The following EHMT2 variants were observed in gnomAD, a reference collection of about 807,000 sequenced individuals.
EHMT2 encodes histone-lysine N-methyltransferase EHMT2.
EHMT2 carries 59 observed loss-of-function variants against 143.3 expected under a neutral mutation model. The ratio of observed to expected loss-of-function variants is 0.41; its 90% confidence interval spans 0.33 to 0.51. The LOEUF is 0.51. Ranked by LOEUF, EHMT2 falls within the 20% of genes least tolerant of loss-of-function variation. The pLI is 0.18. For missense variants in EHMT2, 1,174 were observed against 1,645.9 expected, an observed-to-expected ratio of 0.71 and a Z score of 4.96; for synonymous variants, 604 against 651.5, an observed-to-expected ratio of 0.93 and a Z score of 1.11.
Position 31,888,532 on chromosome 6 carries a change from A to C in EHMT2, c.1366-26T>G. Reference sequence around the variant, plus strand: ...CTGTGCGCAGTGAGGATGGGTGAGAAGAGAGCGTGAGGCTGGGGCCGGGGA... The same window carrying C: ...CTGTGCGCAGTGAGGATGGGTGAGACGAGAGCGTGAGGCTGGGGCCGGGGA... On this transcript the variant is annotated intron_variant, in intron 11 of 27. Transcript: ENST00000375537. The surrounding 1 kb of genome is among the most constrained non-coding windows in gnomAD (Gnocchi z 7.4). 6.2e-7 allele frequency: 1 copy of C among 1,610,564 alleles called. No homozygotes were observed. Among genetic ancestry groups the C allele is most frequent in the Non-Finnish European group, 8.5e-7 (1 of 1,178,862 alleles).
At chr6:31,897,105 T>G in intron 1 of EHMT2, 116 bp from the exon 2 acceptor site, 1 of 1,440,200 alleles carries the variant, frequency 6.9e-7, no homozygotes. Context: ...TCTTCCTCTG[T>G]GGGGCCCCCC....
rs1245185963 is a variant in EHMT2, at chr6:31,897,233, G to A, written c.43-244C>T. The A allele has an allele frequency of 6.6e-6, 8 of 1,205,900 alleles. No individual in the cohort carries two copies. The East Asian group carries it at 1.3e-4, about 19-fold the overall frequency. The allele number at this position is 1,205,900 out of a possible 1,614,324, so 74.7% of individuals were successfully genotyped here. On this transcript the variant is annotated intron_variant, in intron 1 of 27. Transcript: ENST00000375537. The stretch of plus-strand genomic sequence containing the variant: ...GGGCCGAGAGAAGAGGAGGGGGAGG[G>A]GGCGGGGCCTCCGCGCCCCGGCCCC...
Position 31,888,100 on chromosome 6 carries a change from A to T in EHMT2, c.1686T>A (p.Ala562=). 6.2e-7 allele frequency: 1 copy of T among 1,610,678 alleles called. No homozygotes were observed. Among genetic ancestry groups the T allele is most frequent in the Non-Finnish European group, 8.5e-7 (1 of 1,178,946 alleles). Residue 562 remains alanine, a synonymous_variant, in exon 13 of 28, where the codon GCT becomes GCA. Transcript: ENST00000375537. This position sits in a 1 kb window ranked among gnomAD's most constrained non-coding sequence, Gnocchi z 7.4. The stretch of plus-strand genomic sequence containing the variant: ...CCTGGGACAGGGGTGGGGGTGCAGG[A>T]GCTGCAGTGCCGGCCGGTGGGGTCA...
exon 3 of EHMT2, chr6:31,896,725 A>G: frequency 6.2e-7 from 1 of 1,612,838 alleles, no homozygotes; most frequent in Non-Finnish European, 8.5e-7. Context: ...AGTGACAGTG[A>G]CAGAGGCTGG....
chr6:31,887,988 G>A (rs1299412631), intron 13 of EHMT2, 27 bp from the exon 14 acceptor site: 2 of 1,575,224 alleles, frequency 1.3e-6, no homozygotes, highest in Non-Finnish European at 1.7e-6. Context: ...TCATGTCCAG[G>A]AGCAATAGGG....
chr6:31,880,031 G>T lies in EHMT2; in HGVS notation c.*53C>A. On this transcript the variant is annotated 3_prime_UTR_variant, in exon 28 of 28. Coordinates refer to ENST00000375537, the Ensembl canonical transcript of EHMT2. The surrounding 1 kb of genome is among the most constrained non-coding windows in gnomAD (Gnocchi z 6.6). ...GGGCTGCGAGCAGCTGGTGGCAGAG[G>T]AGGCGGCTGAGCTGTGGCCATCCAT... 6.3e-7 allele frequency: 1 copy of T among 1,579,364 alleles called. No homozygotes were observed. Among genetic ancestry groups the T allele is most frequent in the Non-Finnish European group, 8.6e-7 (1 of 1,157,926 alleles).
chr6:31,897,032 A>G, intron 1 of EHMT2, 43 bp from the exon 2 acceptor site: 1 of 1,527,440 alleles, frequency 6.5e-7, no homozygotes, highest in Non-Finnish European at 8.8e-7. Context: ...TCAGCCCAGT[A>G]GAGAGTTGGG....
At chr6:31,893,483 A>C in intron 4 of EHMT2, 1 of 361,976 alleles carries the variant, frequency 2.8e-6, no homozygotes, top group South Asian at 2.0e-5. Flanking sequence ...ATGCCTAACT[A>C]ATGTCTTCTT....
rs778208708 is a variant in EHMT2, at chr6:31,886,768, C to T, written c.2241+7G>A. The stretch of plus-strand genomic sequence containing the variant: ...CGGGGGCCACGCCCTGCTGCCTGCG[C>T]GCACACCTTGCTATAGACACAGCCA... On this transcript the variant is annotated splice_region_variant and intron_variant, in intron 17 of 27. Coordinates refer to ENST00000375537, the Ensembl canonical transcript of EHMT2. 1.1e-4 allele frequency: 174 copies of T among 1,614,204 alleles called. 1 individual carries two copies. The East Asian group carries it at 3.3e-3, about 30-fold the overall frequency.
rs773534962 is a variant in EHMT2 at position 31,886,704 on chromosome 6, G to C, written c.2242-22C>G. On this transcript the variant is annotated intron_variant, in intron 17 of 27. Transcript: ENST00000375537. ...CCTCCTGAGGGAGACACGGGCAAATGAGCCTTTGGGCTGGCACCCCAAACC... is the reference window on the plus strand; with the variant it reads ...CCTCCTGAGGGAGACACGGGCAAATCAGCCTTTGGGCTGGCACCCCAAACC... 5 of 1,614,050 alleles carry C rather than the reference G, an allele frequency of 3.1e-6. No homozygotes were observed. In the Admixed American group the frequency reaches 8.3e-5, roughly 27 times the overall value.
intron 18 of EHMT2, 175 bp downstream of exon 18, chr6:31,886,405 GA>G (rs1450579759): frequency 9.8e-6 from 6 of 614,128 alleles, no homozygotes; most frequent in Non-Finnish European, 1.7e-5. Context: ...TTGATAAAGA[GA>G]AAGAAACGAG....
exon 2 of EHMT2, chr6:31,896,927 C>T (rs774575931): frequency 6.2e-7 from 1 of 1,600,282 alleles, no homozygotes; most frequent in Non-Finnish European, 8.5e-7. Context: ...ACTCACCTCT[C>T]TCGGTGGCTC....
At chr6:31,885,038 G>C in intron 18 of EHMT2, 22 bp from the exon 19 acceptor site, 1 of 1,590,116 alleles carries the variant, frequency 6.3e-7, no homozygotes, top group East Asian at 2.3e-5. Context: ...AAGGGAGTGA[G>C]GGTGGGGGCA....
Position 31,880,929 on chromosome 6 carries a change from C to T in EHMT2, c.3277-81G>A, listed in dbSNP as rs907818071. The T allele has an allele frequency of 4.4e-6, 7 of 1,608,052 alleles. No homozygotes were observed. In the African/African-American group the frequency reaches 8.0e-5, roughly 18 times the overall value. On this transcript the variant is annotated intron_variant, in intron 26 of 27. Transcript: ENST00000375537. The surrounding 1 kb of genome is among the most constrained non-coding windows in gnomAD (Gnocchi z 6.6). ...ACCCACTGACTCCCCAGTCCCTCCT[C>T]CCCAGGTTTCCATTTGCTGACTTCC... is the stretch of plus-strand genomic sequence containing the variant.
chr6:31,890,267 T>C (rs540142655), intron 7 of EHMT2, among the ~76,000 whole-genome samples: 5 of 152,232 alleles, frequency 3.3e-5, no homozygotes, highest in African/African-American at 1.2e-4. Context: ...AAAATCTTTC[T>C]TATTTATTTA....
Position 31,884,039 on chromosome 6 carries a change from T to C in EHMT2, c.2772-89A>G, listed in dbSNP as rs557735731. 3.7e-5 allele frequency: 55 copies of C among 1,469,014 alleles called. No individual in the cohort carries two copies. Among genetic ancestry groups the C allele is most frequent in the Admixed American group, 6.3e-5 (3 of 47,532 alleles). 91.0% of individuals were successfully genotyped at this position (1,469,014 alleles called of 1,614,324 possible). A position where few individuals can be genotyped will look rare whatever the true frequency, so the allele number is the denominator to read the frequency against. ...TAAGGAAGAGAGTTGGGGAGGTTCC[T>C]GGGGCTGGGGGCAGGGGAGTAAGGT... On this transcript the variant is annotated intron_variant, in intron 21 of 27. Transcript: ENST00000375537. The surrounding 1 kb of genome is among the most constrained non-coding windows in gnomAD (Gnocchi z 7.3).
rs1764098847 is a variant in EHMT2, at chr6:31,881,448, A to G, written c.3198-356T>C. 1 of 384,148 alleles carries G rather than the reference A, an allele frequency of 2.6e-6. No homozygotes were observed. Among genetic ancestry groups the G allele is most frequent in the South Asian group, 2.8e-5 (1 of 35,192 alleles). The allele number at this position is 384,148 out of a possible 1,614,324, so 23.8% of individuals were successfully genotyped here. On this transcript the variant is annotated intron_variant, in intron 25 of 27. Coordinates refer to ENST00000375537, the Ensembl canonical transcript of EHMT2. This position sits in a 1 kb window ranked among gnomAD's most constrained non-coding sequence, Gnocchi z 4.8. Reference sequence around the variant, plus strand: ...GGAACAGGAGAGGGGCCAGGACTGCAGGAAGAGCCAGAGGTACAGGAGTGG... The same window carrying G: ...GGAACAGGAGAGGGGCCAGGACTGCGGGAAGAGCCAGAGGTACAGGAGTGG...
rs1236017728 is a variant in EHMT2 at position 31,880,635 on chromosome 6, C to G, written c.3452+38G>C. On this transcript the variant is annotated intron_variant, in intron 27 of 27. Coordinates refer to ENST00000375537, the Ensembl canonical transcript of EHMT2. This position sits in a 1 kb window ranked among gnomAD's most constrained non-coding sequence, Gnocchi z 6.6. ...GGTCCCAGGTTTGCTGCATCTCCCA[C>G]CCCCTGGCAGAGCCCCTAGAGACCC... 3 of 1,605,374 alleles carry G rather than the reference C, an allele frequency of 1.9e-6. No individual in the cohort carries two copies. Among genetic ancestry groups the G allele is most frequent in the Non-Finnish European group, 2.6e-6 (3 of 1,174,868 alleles).
intron 15 of EHMT2, 158 bp from the exon 16 acceptor site, chr6:31,887,259 A>G: frequency 1.5e-6 from 1 of 660,140 alleles, no homozygotes; most frequent in Non-Finnish European, 2.6e-6. Flanking sequence ...AGCATTTATC[A>G]GAATAAGGAG....
Sources: allele counts gnomAD v4.1 joint callset (sites outside exome capture counted in the v4.1 genomes callset), GRCh38; gene constraint gnomAD v4.1.1; non-coding constraint Gnocchi (gnomAD v3.1); transcripts MANE v1.5; gene names NCBI Gene and HGNC (gene_info 2026-07-23, HGNC 2026-07-21).